Variants in IL7 observed in about 807,000 individuals in gnomAD.
IL7 encodes the protein interleukin-7.
IL7 carries 3 observed loss-of-function variants against 21.6 expected under a neutral mutation model. The ratio of observed to expected loss-of-function variants is 0.14; its 90% CI spans 0.06 to 0.36. The LOEUF (loss-of-function observed/expected upper bound fraction) is 0.36. Among genes scored for constraint, IL7 ranks in the 10% least tolerant of loss-of-function variants. The pLI, the probability that IL7 is intolerant of heterozygous loss-of-function variation, is 1.00. For synonymous variants in IL7, 62 were observed against 68.1 expected (o/e 0.91, Z 0.44); for missense variants, 175 against 200.2 (o/e 0.87, Z 0.76).
At chr8:78,749,095 AAT>A (rs1812079555) in intron 2 of IL7, among the ~76,000 whole-genome samples, 2 of 152,158 alleles carry the variant, frequency 1.3e-5, no homozygotes, top group South Asian at 4.1e-4. Flanking sequence ...CTGGATGATC[AAT>A]AGTTTCTATT....
intron 3 of IL7, among the ~76,000 whole-genome samples, chr8:78,696,547 G>A (rs1408150789): frequency 1.3e-5 from 2 of 152,010 alleles, no homozygotes; most frequent in Admixed American, 1.3e-4. Context: ...TTTATTGTCA[G>A]GTAACTGAGC....
chr8:78,770,052 T>C lies in IL7; in HGVS notation c.147+28020A>G, dbSNP rs547493486. Among the ~76,000 whole-genome samples, 4 of 152,296 alleles carry C rather than the reference T, an allele frequency of 2.6e-5. No homozygotes were observed. The South Asian group carries it at 8.3e-4, about 32-fold the overall frequency. ...AAATAATTCAAGATGGATTAAAGAC[T>C]TAAATGTTAGGCCTAAAACCATAAA... On this transcript the variant is annotated intron_variant, in intron 2 of 5. Transcript: ENST00000263851.
rs1430501124 is a variant in IL7 at position 78,687,625 on chromosome 8, C to T, written n.215-1678G>A. Among the ~76,000 whole-genome samples, 27 of 124,414 alleles carry T rather than the reference C, an allele frequency of 2.2e-4. 1 individual carries two copies. Among genetic ancestry groups the T allele is most frequent in the African/African-American group, 5.6e-4 (19 of 33,786 alleles). 81.6% of individuals were successfully genotyped at this position (124,414 alleles called of 152,430 possible). A position where few individuals can be genotyped will look rare whatever the true frequency, so the allele number is the denominator to read the frequency against. On this transcript the variant is annotated intron_variant and non_coding_transcript_variant, in intron 3 of 4. Coordinates refer to the IL7 transcript ENST00000523959. Reference sequence around the variant, plus strand: ...TTACATAATACATTATATATATTTACGTAATACATTATATATATATTTACG... The same window carrying T: ...TTACATAATACATTATATATATTTATGTAATACATTATATATATATTTACG...
intron 3 of IL7, among the ~76,000 whole-genome samples, chr8:78,695,299 G>A (rs915917047): frequency 5.9e-5 from 9 of 152,054 alleles, no homozygotes; most frequent in Non-Finnish European, 1.3e-4. Context: ...ACATTTTTTG[G>A]AGACATGTTC....
chr8:78,675,727 AT>A (rs1189970213), downstream of IL7: 2 of 1,420,386 alleles, frequency 1.4e-6, no homozygotes, highest in Non-Finnish European at 1.9e-6. Context: ...AAACATTAAA[AT>A]GTGAAGTTTC....
chr8:78,796,486 C>T (rs1401502922), intron 2 of IL7, among the ~76,000 whole-genome samples: 5 of 151,904 alleles, frequency 3.3e-5, no homozygotes, highest in Middle Eastern at 3.4e-3. Flanking sequence ...CAGTAATACT[C>T]ATTTGTTCTC....
chr8:78,706,172 G>A (rs1319301361), intron 3 of IL7, among the ~76,000 whole-genome samples: 2 of 152,142 alleles, frequency 1.3e-5, no homozygotes, highest in Non-Finnish European at 2.9e-5. Flanking sequence ...TCCATCCCAG[G>A]TAGGCTCAAA....
intron 2 of IL7, chr8:78,747,031 A>C (rs770395831): frequency 2.2e-6 from 1 of 456,606 alleles, no homozygotes; most frequent in South Asian, 1.5e-5. Flanking sequence ...CGAATGTCTA[A>C]TTATTGCTCA....
At chr8:78,719,970 T>C (rs1277433675) in intron 5 of IL7, among the ~76,000 whole-genome samples, 3 of 151,838 alleles carry the variant, frequency 2.0e-5, no homozygotes, top group Non-Finnish European at 4.4e-5. Flanking sequence ...GTATTAGAAA[T>C]GTTTTTGTTA....
intron 2 of IL7, among the ~76,000 whole-genome samples, chr8:78,781,853 C>A (rs1304600959): frequency 2.0e-5 from 3 of 152,102 alleles, no homozygotes; most frequent in Non-Finnish European, 4.4e-5. Flanking sequence ...TTTCACGTAC[C>A]CCAATCAGGC....
chr8:78,705,489 G>T (rs1234814081), intron 3 of IL7, among the ~76,000 whole-genome samples: 1 of 152,182 alleles, frequency 6.6e-6, no homozygotes, highest in Non-Finnish European at 1.5e-5. Context: ...ACCTCTGTCA[G>T]CCAAAGAACA....
intron 3 of IL7, chr8:78,689,519 A>G: frequency 1.4e-6 from 1 of 705,604 alleles, no homozygotes; most frequent in Non-Finnish European, 2.1e-6. Flanking sequence ...TAAAAGTTGT[A>G]TGCTTTTAGC....
intron 2 of IL7, chr8:78,760,517 G>C (rs184383951): frequency 6.5e-7 from 1 of 1,537,004 alleles, no homozygotes; most frequent in Non-Finnish European, 8.7e-7. Context: ...AGCTGACAGC[G>C]TGTCAGGATT....
At chr8:78,723,978 C>A in intron 3 of IL7, 1 of 173,688 alleles carries the variant, frequency 5.8e-6, no homozygotes, top group South Asian at 1.7e-4. Context: ...TCCACTTTCT[C>A]CAGCAGGTCT....
intron 3 of IL7, among the ~76,000 whole-genome samples, chr8:78,694,629 T>G (rs1810339189): frequency 6.6e-6 from 1 of 152,214 alleles, no homozygotes; most frequent in Non-Finnish European, 1.5e-5. Flanking sequence ...TGATTTTTTA[T>G]TCTTTCCTGA....
At chr8:78,690,122 T>C (rs1237189193) in intron 3 of IL7, among the ~76,000 whole-genome samples, 1 of 152,206 alleles carries the variant, frequency 6.6e-6, no homozygotes, top group African/African-American at 2.4e-5. Context: ...AATGTATGGG[T>C]TTATTTCAGG....
At chr8:78,801,275 G>C (rs1346849936) in intron 1 of IL7, among the ~76,000 whole-genome samples, 1 of 152,190 alleles carries the variant, frequency 6.6e-6, no homozygotes, top group Non-Finnish European at 1.5e-5. Context: ...CTAGAAGCTT[G>C]TTCCATTAAG....
chr8:78,698,998 C>T (rs1447598925), intron 3 of IL7, among the ~76,000 whole-genome samples: 2 of 152,034 alleles, frequency 1.3e-5, no homozygotes, highest in African/African-American at 2.4e-5. Flanking sequence ...ACTCTTTTCA[C>T]GTTTTTATTA....
At chr8:78,764,420 T>C (rs1812683315) in intron 2 of IL7, among the ~76,000 whole-genome samples, 1 of 152,100 alleles carries the variant, frequency 6.6e-6, no homozygotes, top group South Asian at 2.1e-4. Context: ...GATATAATTG[T>C]CTATGTAGAA....
Sources: gnomAD v4.1 joint callset for allele counts (sites outside exome capture counted in the v4.1 genomes callset) on GRCh38, gnomAD v4.1.1 for gene constraint, MANE v1.5 for transcripts, NCBI Gene and HGNC (gene_info 2026-07-23, HGNC 2026-07-21) for gene names.